RFC3: variants seen among roughly 807,000 people sequenced by gnomAD.
RFC3 encodes the protein replication factor C subunit 3, also known as A1 38 kDa subunit.
RFC3 carries 41 observed loss-of-function variants against 45.1 expected under a neutral mutation model. The ratio of observed to expected loss-of-function variants is 0.91; its 90% CI spans 0.71 to 1.18. RFC3 has a LOEUF of 1.18. RFC3 is among the 50% of genes most tolerant of loss of function. The pLI is 0.00. For synonymous variants in RFC3, 149 were observed against 144.0 expected (o/e 1.03, Z -0.25); for missense variants, 423 against 428.1 (o/e 0.99, Z 0.10).
At chr13:33,938,150 T>G (rs2082899310) in intron 8 of RFC3, among the ~76,000 whole-genome samples, 1 of 128,008 alleles carries the variant, frequency 7.8e-6, no homozygotes. Flanking sequence ...GATCTGGCAT[T>G]TTCACAGCCA....
downstream of RFC3, among the ~76,000 whole-genome samples, chr13:33,968,170 T>G (rs1387389671): frequency 2.0e-5 from 3 of 152,208 alleles, no homozygotes; most frequent in Admixed American, 2.0e-4. Flanking sequence ...CTCTGTCGCC[T>G]AGGCTGGAGT....
At chr13:33,952,683 G>T (rs558643218) in intron 8 of RFC3, among the ~76,000 whole-genome samples, 1 of 152,288 alleles carries the variant, frequency 6.6e-6, no homozygotes, top group African/African-American at 2.4e-5. Context: ...GGTCCTAGTT[G>T]AAAGGGAGAT....
chr13:33,945,248 A>G (rs2082947855), intron 8 of RFC3, among the ~76,000 whole-genome samples: 1 of 152,342 alleles, frequency 6.6e-6, no homozygotes, highest in Admixed American at 6.5e-5. Flanking sequence ...AGAAAGATAC[A>G]AAAATAGAGC....
At chr13:33,967,474 A>G (rs189693452), downstream of RFC3, among the ~76,000 whole-genome samples, 6 of 146,812 alleles carry the variant, frequency 4.1e-5, no homozygotes, top group East Asian at 1.0e-3. Flanking sequence ...AACTTAGTTT[A>G]AACCAGCAAT....
intron 8 of RFC3, among the ~76,000 whole-genome samples, chr13:33,963,186 G>T (rs967496785): frequency 4.3e-5 from 5 of 116,830 alleles, no homozygotes; most frequent in Non-Finnish European, 7.6e-5. Flanking sequence ...AATATTATAA[G>T]TAAATTGACA....
chr13:33,883,781 C>G (rs1035013032), intron 8 of RFC3, among the ~76,000 whole-genome samples: 5 of 152,174 alleles, frequency 3.3e-5, no homozygotes, highest in Non-Finnish European at 5.9e-5. Flanking sequence ...TGAGGCCTTT[C>G]AGAGCGTGGA....
chr13:33,860,836 G>A (rs959911430), intron 8 of RFC3, among the ~76,000 whole-genome samples: 1 of 152,008 alleles, frequency 6.6e-6, no homozygotes, highest in Non-Finnish European at 1.5e-5. Context: ...AGCAAGTCCC[G>A]CAGAGATGTC....
At chr13:33,881,699 C>T (rs1423165826) in intron 8 of RFC3, among the ~76,000 whole-genome samples, 1 of 152,106 alleles carries the variant, frequency 6.6e-6, no homozygotes, top group African/African-American at 2.4e-5. Flanking sequence ...TCCCTCTGTC[C>T]CTGTTCTTGT....
intron 8 of RFC3, among the ~76,000 whole-genome samples, chr13:33,851,804 G>A (rs574870951): frequency 1.8e-3 from 269 of 152,260 alleles, no homozygotes; most frequent in African/African-American, 5.8e-3. Flanking sequence ...CAGTTGGCTC[G>A]TTAGGAAACT....
At chr13:33,830,644 T>A in intron 5 of RFC3, 75 bp from the exon 6 acceptor site, 1 of 1,235,124 alleles carries the variant, frequency 8.1e-7, no homozygotes, top group East Asian at 2.3e-5. Context: ...TATAAGGGTC[T>A]AGGAGGATAT....
At chr13:33,862,333 T>C (rs1451693629) in intron 8 of RFC3, among the ~76,000 whole-genome samples, 1 of 148,976 alleles carries the variant, frequency 6.7e-6, no homozygotes, top group Non-Finnish European at 1.5e-5. Flanking sequence ...AGAATGAACA[T>C]GTTGTGAAGT....
intron 8 of RFC3, among the ~76,000 whole-genome samples, chr13:33,894,453 A>C (rs1474431456): frequency 6.6e-6 from 1 of 152,144 alleles, no homozygotes; most frequent in Admixed American, 6.5e-5. Context: ...AGGTTGAGAG[A>C]AGCTTCCAAC....
intron 8 of RFC3, among the ~76,000 whole-genome samples, chr13:33,867,153 T>C (rs1244353369): frequency 3.9e-5 from 6 of 152,218 alleles, no homozygotes; most frequent in East Asian, 1.9e-4. Flanking sequence ...CTAGAAGCAG[T>C]TAGCTTTATA....
At chr13:33,873,603 G>A (rs1349668011) in intron 8 of RFC3, among the ~76,000 whole-genome samples, 1 of 152,168 alleles carries the variant, frequency 6.6e-6, no homozygotes, top group African/African-American at 2.4e-5. Context: ...GTTTTGCAAA[G>A]GGACATGAAA....
chr13:33,891,694 T>TTA (rs2082564272), intron 8 of RFC3, among the ~76,000 whole-genome samples: 1 of 152,144 alleles, frequency 6.6e-6, no homozygotes, highest in African/African-American at 2.4e-5. Flanking sequence ...GCCAACTGGA[T>TTA]TATAACAACT....
chr13:33,857,676 A>G (rs2082316541), intron 8 of RFC3, among the ~76,000 whole-genome samples: 1 of 152,188 alleles, frequency 6.6e-6, no homozygotes, highest in South Asian at 2.1e-4. Context: ...ATTAAAACCC[A>G]GTGTGGTAAC....
At chr13:33,953,808 T>C (rs2083004703) in intron 8 of RFC3, among the ~76,000 whole-genome samples, 1 of 152,206 alleles carries the variant, frequency 6.6e-6, no homozygotes, top group East Asian at 1.9e-4. Flanking sequence ...TGAATGGAAT[T>C]TTGATGCGAC....
intron 8 of RFC3, among the ~76,000 whole-genome samples, chr13:33,925,097 C>CTATATACACGCATATATAGTGTACA (rs1566030523): frequency 3.6e-5 from 5 of 140,270 alleles, no homozygotes; most frequent in Non-Finnish European, 6.1e-5. Context: ...ATATAGTGTA[C>CTATATACACGCATATATAGTGTACA]TATATACACG....
intron 8 of RFC3, among the ~76,000 whole-genome samples, chr13:33,949,908 C>T (rs376500414): frequency 5.9e-5 from 9 of 152,132 alleles, no homozygotes; most frequent in African/African-American, 2.2e-4. Flanking sequence ...CCTTTAAACT[C>T]AAGCTAAAAT....
Sources: allele counts gnomAD v4.1 joint callset (sites outside exome capture counted in the v4.1 genomes callset), GRCh38; gene constraint gnomAD v4.1.1; transcripts MANE v1.5; gene names NCBI Gene and HGNC (gene_info 2026-07-23, HGNC 2026-07-21).